TLK2: variants seen among roughly 807,000 people sequenced by gnomAD.
TLK2 encodes the protein tousled like kinase 2.
A neutral mutation model predicts 117.3 loss-of-function variants in TLK2; 6 were observed. The observed-to-expected ratio is 0.05, with a 90% CI of 0.03 to 0.10. The LOEUF (loss-of-function observed/expected upper bound fraction) is 0.10. Among genes scored for constraint, TLK2 ranks in the 10% least tolerant of loss-of-function variants. TLK2 has a pLI of 1.00. For missense variants in TLK2, 299 were observed against 901.2 expected (o/e 0.33, Z 8.56); for synonymous variants, 257 against 316.7 (o/e 0.81, Z 2.00).
intron 7 of TLK2, chr17:62,552,000 G>A (rs1029612081): frequency 2.7e-6 from 1 of 367,542 alleles, no homozygotes; most frequent in Non-Finnish European, 5.2e-6. Flanking sequence ...AGTGAAAAAG[G>A]CAAGTTATTA....
rs2083604419 is a variant in TLK2, at chr17:62,609,891, C to T, written c.2079+1743C>T. Among the ~76,000 whole-genome samples, 3 of 152,170 alleles carry T rather than the reference C, an allele frequency of 2.0e-5. No homozygotes were observed. In the South Asian group the frequency reaches 6.2e-4, roughly 32 times the overall value. On this transcript the variant is annotated intron_variant, in intron 21 of 21. Transcript: ENST00000346027. ...TGATCATACCTATGAATAGCCACTG[C>T]ACTCCAGCCTCAGCAACACAGTGAG...
At chr17:62,544,517 A>G (rs1253296718) in intron 7 of TLK2, among the ~76,000 whole-genome samples, 1 of 152,130 alleles carries the variant, frequency 6.6e-6, no homozygotes, top group Admixed American at 6.5e-5. Context: ...CTGACATATG[A>G]GGAGTACAAT....
At chr17:62,525,538 T>A (rs2076315879) in intron 6 of TLK2, among the ~76,000 whole-genome samples, 1 of 151,668 alleles carries the variant, frequency 6.6e-6, no homozygotes, top group Non-Finnish European at 1.5e-5. Context: ...AACCTCTGCC[T>A]CGTAGGCTCA....
intron 6 of TLK2, among the ~76,000 whole-genome samples, chr17:62,526,987 C>T (rs557456350): frequency 2.6e-4 from 40 of 152,200 alleles, no homozygotes; most frequent in Non-Finnish European, 5.0e-4. Context: ...CCTGCGTGAT[C>T]TGTGCTTCCC....
At chr17:62,504,664 C>A (rs1351205683) in intron 2 of TLK2, among the ~76,000 whole-genome samples, 1 of 151,938 alleles carries the variant, frequency 6.6e-6, no homozygotes, top group Non-Finnish European at 1.5e-5. Context: ...TAAAAAAAGC[C>A]GGACATGGCG....
chr17:62,600,117 C>T (rs539552665), intron 17 of TLK2, among the ~76,000 whole-genome samples: 1 of 152,260 alleles, frequency 6.6e-6, no homozygotes, highest in Admixed American at 6.5e-5. Flanking sequence ...GGGACGTGGG[C>T]AAACTCTAGA....
intron 16 of TLK2, among the ~76,000 whole-genome samples, chr17:62,587,320 A>G (rs910802081): frequency 3.9e-5 from 6 of 152,132 alleles, no homozygotes; most frequent in African/African-American, 1.2e-4. Context: ...ACAAGTATTG[A>G]ATCAGACAAG....
rs778195754 is a variant in TLK2, at chr17:62,573,200, C to T, written c.969-15C>T. The T allele has an allele frequency of 1.9e-6, 3 of 1,606,540 alleles. No individual in the cohort carries two copies. Among genetic ancestry groups the T allele is most frequent in the Non-Finnish European group, 2.6e-6 (3 of 1,176,384 alleles). On this transcript the variant is annotated splice_polypyrimidine_tract_variant and intron_variant, in intron 11 of 21. Coordinates refer to ENST00000346027, the MANE Select transcript of TLK2 (RefSeq NM_006852.6). ...TTGACTTTCTTTCTTTGTACAACGT[C>T]TTTTATATCTCTAGGCAACAGGAAA... is the stretch of plus-strand genomic sequence containing the variant.
At chr17:62,598,799 A>G (rs1166026309) in intron 17 of TLK2, among the ~76,000 whole-genome samples, 3 of 152,094 alleles carry the variant, frequency 2.0e-5, no homozygotes, top group Non-Finnish European at 4.4e-5. Flanking sequence ...CTGGGATTAC[A>G]GGCTTGAGCC....
chr17:62,538,184 C>T (rs1432913379), intron 7 of TLK2, among the ~76,000 whole-genome samples: 3 of 151,464 alleles, frequency 2.0e-5, no homozygotes, highest in South Asian at 2.1e-4. Context: ...TACAGGCACC[C>T]GCCACCACGC....
chr17:62,476,130 C>A (rs1251045510), upstream of TLK2, among the ~76,000 whole-genome samples: 2 of 152,094 alleles, frequency 1.3e-5, no homozygotes, highest in Non-Finnish European at 2.9e-5. Flanking sequence ...CAGGTACGTA[C>A]CACTATGCCG....
rs1277031426 is a variant in TLK2, at chr17:62,471,917, TAGAC to T, written c.-205+843_-205+846del. Among the ~76,000 whole-genome samples, 19 of 140,866 alleles carry T rather than the reference TAGAC, an allele frequency of 1.3e-4. 1 individual carries two copies. The highest frequency in any genetic ancestry group is 4.8e-4 in the African/African-American group (18 of 37,626). The allele number at this position is 140,866 out of a possible 152,430, so 92.4% of individuals were successfully genotyped here. A position where few individuals can be genotyped will look rare whatever the true frequency, so the allele number is the denominator to read the frequency against. On this transcript the variant is annotated intron_variant, in intron 1 of 4. Coordinates refer to the TLK2 transcript ENST00000579450. Reference sequence around the variant, plus strand: ...TTTTTTTTTTTTTTTTTTTTTTTTTTAGACAGAGTCTTACTCTGTCGCCTAGGCT... The same window carrying T: ...TTTTTTTTTTTTTTTTTTTTTTTTTTAGAGTCTTACTCTGTCGCCTAGGCT...
chr17:62,553,711 T>C lies in TLK2; in HGVS notation c.676T>C (p.Ser226Pro), dbSNP rs1334749439. The change falls in exon 9 of 22, where the codon TCT becomes CCT. Residue 226 changes from serine to proline, a missense_variant. Transcript: ENST00000346027. ...KISALENSKNSDLEKKEGRID... is the reference protein window; with the variant it reads ...KISALENSKNPDLEKKEGRID... ...ATCTGCACTAGAAAACAGTAAGAAT[T>C]CTGACTTAGAGAAGAAGGAGGGAAG... 1.2e-6 allele frequency: 2 copies of C among 1,611,828 alleles called. No individual in the cohort carries two copies. The highest frequency in any genetic ancestry group is 4.5e-5 in the East Asian group (2 of 44,806).
At chr17:62,608,855 G>C (rs913583986) in intron 21 of TLK2, among the ~76,000 whole-genome samples, 1 of 16,664 alleles carries the variant, frequency 6.0e-5, no homozygotes, top group Non-Finnish European at 1.2e-4. Context: ...TAAAAAACTC[G>C]TGAGGCAAAG....
chr17:62,580,094 GT>G lies in TLK2; in HGVS notation c.1287-15del. On this transcript the variant is annotated splice_polypyrimidine_tract_variant and intron_variant, in intron 14 of 21. Transcript: ENST00000346027. ...AGTCCATGATCTCAGGGTGTTACATGTTCCCTGTTTCCACAGATTTAAAGAT... is the reference window on the plus strand; with the variant it reads ...AGTCCATGATCTCAGGGTGTTACATGTCCCTGTTTCCACAGATTTAAAGAT... 3 of 1,609,192 alleles carry G rather than the reference GT, an allele frequency of 1.9e-6. No homozygotes were observed. The highest frequency in any genetic ancestry group is 2.5e-6 in the Non-Finnish European group (3 of 1,176,864).
chr17:62,482,599 A>G (rs1176256443), intron 2 of TLK2, among the ~76,000 whole-genome samples: 1 of 151,646 alleles, frequency 6.6e-6, no homozygotes, highest in Non-Finnish European at 1.5e-5. Context: ...ACAGGCATGC[A>G]CCACCATGCC....
chr17:62,591,253 A>G (rs2082058877), intron 16 of TLK2, among the ~76,000 whole-genome samples: 1 of 152,228 alleles, frequency 6.6e-6, no homozygotes, highest in Non-Finnish European at 1.5e-5. Flanking sequence ...TCTTAAAAAA[A>G]GAAAAGAGAA....
intron 2 of TLK2, among the ~76,000 whole-genome samples, chr17:62,510,008 G>A (rs1262128490): frequency 1.3e-5 from 2 of 152,256 alleles, no homozygotes; most frequent in African/African-American, 4.8e-5. Context: ...GCTGGGTGCA[G>A]TGGCTCATGC....
intron 15 of TLK2, among the ~76,000 whole-genome samples, chr17:62,582,243 GA>G (rs1360479509): frequency 3.9e-5 from 6 of 152,032 alleles, no homozygotes; most frequent in African/African-American, 9.6e-5. Context: ...ATTTCATTTA[GA>G]TTTTTTTTTC....
Sources: allele counts gnomAD v4.1 joint callset (sites outside exome capture counted in the v4.1 genomes callset), GRCh38; gene constraint gnomAD v4.1.1; transcripts MANE v1.5; gene names NCBI Gene and HGNC (gene_info 2026-07-23, HGNC 2026-07-21).